RACGAP1: variants seen among roughly 807,000 people sequenced by gnomAD.
RACGAP1 encodes the protein rac GTPase-activating protein 1.
Under a neutral mutation model 78.1 loss-of-function variants are expected in RACGAP1, and 30 were observed. That is an observed-to-expected ratio of 0.38 (90% CI 0.29 to 0.52). RACGAP1 has a LOEUF of 0.52. RACGAP1 is among the 20% of genes least tolerant of loss of function. The probability of loss-of-function intolerance (pLI) is 0.82; values close to 1 mark genes in which losing one functional copy is unlikely to be tolerated. For missense variants in RACGAP1, 587 were observed against 777.1 expected, an observed-to-expected ratio of 0.76 and a Z score of 2.91; for synonymous variants, 231 against 264.8, an observed-to-expected ratio of 0.87 and a Z score of 1.24.
At chr12:50,025,342 G>A in intron 1 of RACGAP1, 56 bp downstream of exon 1, 1 of 985,808 alleles carries the variant, frequency 1.0e-6, no homozygotes, top group African/African-American at 1.7e-5. Flanking sequence ...CGAACACTCT[G>A]CTTCCTATCA....
chr12:50,013,415 C>T (rs1949473409), intron 2 of RACGAP1, among the ~76,000 whole-genome samples: 1 of 152,180 alleles, frequency 6.6e-6, no homozygotes, highest in South Asian at 2.1e-4. Flanking sequence ...AGATTCTTCC[C>T]TCTGCCCCCA....
At chr12:50,011,939 G>A (rs1949361453) in intron 2 of RACGAP1, among the ~76,000 whole-genome samples, 2 of 137,632 alleles carry the variant, frequency 1.5e-5, no homozygotes, top group African/African-American at 5.6e-5. Flanking sequence ...GGGCGACAGA[G>A]CGAGACTCCG....
At chr12:50,008,128 T>C (rs775833256) in intron 2 of RACGAP1, among the ~76,000 whole-genome samples, 7 of 138,170 alleles carry the variant, frequency 5.1e-5, no homozygotes, top group Non-Finnish European at 1.1e-4. Context: ...TTTACATACC[T>C]GATTAATATA....
At chr12:50,032,391 C>T (rs887478381) in intron 1 of RACGAP1, among the ~76,000 whole-genome samples, 7 of 152,232 alleles carry the variant, frequency 4.6e-5, no homozygotes, top group African/African-American at 1.4e-4. Context: ...TTCAATAGGA[C>T]GGTGTCCCAA....
At chr12:50,008,260 G>A (rs1186747399) in intron 2 of RACGAP1, among the ~76,000 whole-genome samples, 4 of 148,476 alleles carry the variant, frequency 2.7e-5, no homozygotes, top group Non-Finnish European at 5.9e-5. Flanking sequence ...GTGCAATGGC[G>A]CAATCTTGGC....
At chr12:50,019,346 T>A (rs1315597563) in intron 1 of RACGAP1, among the ~76,000 whole-genome samples, 2 of 152,090 alleles carry the variant, frequency 1.3e-5, no homozygotes. Flanking sequence ...GAATATAAAT[T>A]TGAGGGGAGA....
chr12:50,025,234 C>T (rs1386733181), intron 1 of RACGAP1, 164 bp downstream of exon 1: 2 of 908,350 alleles, frequency 2.2e-6, no homozygotes, highest in Non-Finnish European at 2.6e-6. Context: ...CCTGCCACGA[C>T]CCCCACCCCA....
chr12:49,999,543 T>C (rs1948519215), intron 8 of RACGAP1, 73 bp downstream of exon 8: 6 of 1,335,404 alleles, frequency 4.5e-6, no homozygotes, highest in Non-Finnish European at 4.3e-6. Context: ...CTCCAGAGGG[T>C]TCTAAGAAAC....
chr12:50,024,547 T>C (rs1013756767), intron 1 of RACGAP1, among the ~76,000 whole-genome samples: 3 of 152,126 alleles, frequency 2.0e-5, no homozygotes, highest in Non-Finnish European at 4.4e-5. Flanking sequence ...AAACTACGTA[T>C]TGGGTACAAT....
In RACGAP1 at chr12:49,997,140, T is replaced by C. The variant is rs138973893; in HGVS notation, c.944A>G (p.Lys315Arg). The C allele has an allele frequency of 2.5e-6, 4 of 1,610,402 alleles. No homozygotes were observed. The highest frequency in any genetic ancestry group is 2.5e-6 in the Non-Finnish European group (3 of 1,177,302). ...KRIKFGKLSL[K>R]CRDCRVVSHP... The stretch of plus-strand genomic sequence containing the variant: ...AGAGACCACACGACAGTCTCGACAC[T>C]TCAGAGATAATTTGCCAAATTTTAT... Residue 315 changes from lysine (K) to arginine (R), a missense_variant, in exon 10 of 17, where the codon AAG becomes AGG. Physicochemically the swap from Lys to Arg is conservative, Grantham distance 26 (BLOSUM62 2). Coordinates refer to ENST00000312377, the MANE Select transcript of RACGAP1 (RefSeq NM_001319999.2).
At chr12:50,010,264 T>C (rs1340486650) in intron 2 of RACGAP1, among the ~76,000 whole-genome samples, 1 of 151,986 alleles carries the variant, frequency 6.6e-6, no homozygotes, top group Non-Finnish European at 1.5e-5. Context: ...TTTTTTAAAA[T>C]ATTAACTTTC....
chr12:49,991,827 G>C (rs558926605), intron 15 of RACGAP1, among the ~76,000 whole-genome samples, 171 bp downstream of exon 15: 1 of 151,784 alleles, frequency 6.6e-6, no homozygotes, highest in East Asian at 1.9e-4. Context: ...TATCCATATG[G>C]ATAAAGAAAG....
chr12:50,009,242 C>CAAAA (rs397751749), intron 2 of RACGAP1, among the ~76,000 whole-genome samples: 42 of 65,200 alleles, frequency 6.4e-4, no homozygotes, highest in African/African-American at 1.9e-3. Flanking sequence ...GATGCTGTCT[C>CAAAA]AAAAAAAAAA....
At chr12:50,018,679 T>C (rs1949819482) in intron 1 of RACGAP1, 1 of 626,262 alleles carries the variant, frequency 1.6e-6, no homozygotes, top group Admixed American at 3.1e-5. Context: ...ATCGTGAGAC[T>C]ATAAGACAGC....
chr12:50,018,662 C>A (rs1397264316), intron 1 of RACGAP1: 2 of 839,660 alleles, frequency 2.4e-6, no homozygotes, highest in South Asian at 2.9e-5. Context: ...TCGGCATTCA[C>A]TTATATATCG....
At chr12:50,024,605 G>A (rs12313336) in intron 1 of RACGAP1, among the ~76,000 whole-genome samples, 8,003 of 152,054 alleles carry the variant, frequency 0.053, 679 homozygotes, top group African/African-American at 0.18. Flanking sequence ...ACCTCACCAC[G>A]ACGCGATATA....
intron 1 of RACGAP1, among the ~76,000 whole-genome samples, chr12:50,032,536 A>AGTGTGTGTGTGTGTGTGTGTGT (rs60239235): frequency 1.1e-3 from 157 of 147,134 alleles, no homozygotes; most frequent in African/African-American, 2.8e-3. Context: ...GGAAAAGGTG[A>AGTGTGTGTGTGTGTGTGTGTGT]GTGTGTGTGT....
rs1344687920 is a variant in RACGAP1 at position 49,999,244 on chromosome 12, G to C, written c.776C>G (p.Ser259Cys). Residue 259 changes from serine (S) to cysteine (C), a missense_variant, in exon 9 of 17, where the codon TCC becomes TGC. By Grantham distance (112) the Ser-to-Cys change is moderately radical. Transcript: ENST00000312377. Reference protein sequence around the residue: ...TGTLQPWNSDSTLNSRQLEPR... With the variant: ...TGTLQPWNSDCTLNSRQLEPR... Reference sequence around the variant, plus strand: ...CTCCAGCTGCCTGCTGTTCAGGGTGGAGTCACTGTTCCAAGGTTGTAAAGT... The same window carrying C: ...CTCCAGCTGCCTGCTGTTCAGGGTGCAGTCACTGTTCCAAGGTTGTAAAGT... 1.2e-6 allele frequency: 2 copies of C among 1,613,962 alleles called. No individual in the cohort carries two copies. The highest frequency in any genetic ancestry group is 3.3e-5 in the Admixed American group (2 of 59,946).
intron 10 of RACGAP1, among the ~76,000 whole-genome samples, chr12:49,996,254 C>T (rs2137288503): frequency 6.6e-6 from 1 of 151,360 alleles, no homozygotes; most frequent in East Asian, 2.0e-4. Context: ...ACAGAGGCTG[C>T]AGTGAGCCAA....
Sources: allele counts gnomAD v4.1 joint callset (sites outside exome capture counted in the v4.1 genomes callset), GRCh38; gene constraint gnomAD v4.1.1; transcripts MANE v1.5; gene names NCBI Gene and HGNC (gene_info 2026-07-23, HGNC 2026-07-21).